The following HIVEP1 variants were observed in gnomAD, a reference collection of about 807,000 sequenced individuals.
HIVEP1 encodes the protein zinc finger protein 40.
HIVEP1 carries 36 observed loss-of-function variants against 180.0 expected under a neutral mutation model. The ratio of observed to expected loss-of-function variants is 0.20; its 90% CI spans 0.15 to 0.26. The LOEUF (loss-of-function observed/expected upper bound fraction) is 0.26. HIVEP1 is among the 10% of genes least tolerant of loss of function. HIVEP1 has a pLI of 1.00. For missense variants in HIVEP1, 3,143 were observed against 3,268.7 expected (o/e 0.96, Z 0.94); for synonymous variants, 1,239 against 1,239.0 (o/e 1.00, Z 0.00).
intron 2 of HIVEP1, among the ~76,000 whole-genome samples, chr6:12,061,119 A>G (rs1247659417): frequency 6.6e-6 from 1 of 152,138 alleles, no homozygotes; most frequent in Non-Finnish European, 1.5e-5. Context: ...TGGTAACGTG[A>G]CTGTGCACAT....
At chr6:12,157,346 T>C (rs536816805) in intron 7 of HIVEP1, among the ~76,000 whole-genome samples, 2 of 152,222 alleles carry the variant, frequency 1.3e-5, no homozygotes, top group South Asian at 4.1e-4. Flanking sequence ...AAATGTACCA[T>C]ATTGGCAACC....
Position 12,124,200 on chromosome 6 carries a change from C to T in HIVEP1, c.4405C>T (p.Leu1469Phe), listed in dbSNP as rs745345164. 1 of 1,614,066 alleles carries T rather than the reference C, an allele frequency of 6.2e-7. No individual in the cohort carries two copies. Among genetic ancestry groups the T allele is most frequent in the Non-Finnish European group, 8.5e-7 (1 of 1,179,940 alleles). Reference sequence around the variant, plus strand: ...TGCAGTGCCATATCAGGGGCCTCAGCTCACTAGTACATCTTTAGCTGAGTT... The same window carrying T: ...TGCAGTGCCATATCAGGGGCCTCAGTTCACTAGTACATCTTTAGCTGAGTT... Reference protein sequence around the residue: ...VNAVPYQGPQLTSTSLAEFSA... With the variant: ...VNAVPYQGPQFTSTSLAEFSA... The change falls in exon 4 of 9, where the codon CTC (leucine) becomes TTC (phenylalanine). Residue 1469 changes from leucine to phenylalanine, a missense_variant. Coordinates refer to ENST00000379388, the MANE Select transcript of HIVEP1 (RefSeq NM_002114.4).
intron 3 of HIVEP1, among the ~76,000 whole-genome samples, chr6:12,090,735 C>CTTTTTTTTTTTTTTTTTTTTTTTTTT (rs35266647): frequency 1.2e-5 from 1 of 82,440 alleles, no homozygotes; most frequent in African/African-American, 4.7e-5. Flanking sequence ...TATAGCCAGC[C>CTTTTTTTTTTTTTTTTTTTTTTTTTT]TTTTTTTTTT....
Position 12,163,645 on chromosome 6 carries a change from A to G in HIVEP1, c.7341A>G (p.Glu2447=). ...GTACTCATAGGAATACGGTCACAGA[A>G]GTGTCTGGCACTACAAACCCTGCTG... ...TLGTHRNTVT[E]VSGTTNPAGV... Residue 2447 remains glutamate (E), a synonymous_variant, in exon 9 of 9, where the codon GAA becomes GAG. Transcript: ENST00000379388. 6.2e-7 allele frequency: 1 copy of G among 1,614,168 alleles called. No individual in the cohort carries two copies. Among genetic ancestry groups the G allele is most frequent in the South Asian group, 1.1e-5 (1 of 91,088 alleles).
At chr6:12,032,349 A>G (rs1267224170) in intron 2 of HIVEP1, among the ~76,000 whole-genome samples, 3 of 151,904 alleles carry the variant, frequency 2.0e-5, no homozygotes, top group African/African-American at 2.4e-5. Flanking sequence ...TCACTGTGTT[A>G]GCCAGGATGG....
At chr6:12,044,811 G>A (rs1323416788) in intron 2 of HIVEP1, among the ~76,000 whole-genome samples, 1 of 151,898 alleles carries the variant, frequency 6.6e-6, no homozygotes. Flanking sequence ...CCCCCTCAAA[G>A]CCAGCGCACC....
intron 7 of HIVEP1, 115 bp from the exon 8 acceptor site, chr6:12,161,324 G>A: frequency 1.0e-6 from 1 of 973,208 alleles, no homozygotes. Flanking sequence ...GTTGTGGGCA[G>A]GGTCCTTGTC....
the HIVEP1 span, among the ~76,000 whole-genome samples, chr6:12,185,674 A>G: frequency 6.6e-6 from 1 of 152,250 alleles, no homozygotes; most frequent in East Asian, 1.9e-4. Context: ...TGAATGGTTA[A>G]TAAGCACATG....
Position 12,163,810 on chromosome 6 carries a change from C to T in HIVEP1, c.7506C>T (p.Ala2502=), listed in dbSNP as rs1760566739. The change falls in exon 9 of 9, where the codon GCC becomes GCT. Residue 2502 remains alanine (A), a synonymous_variant. Coordinates refer to ENST00000379388, the MANE Select transcript of HIVEP1 (RefSeq NM_002114.4). ...AAACCGTCAATATTGTAGGCCTAGC[C>T]AATACAAATATGGCCCCACAAGTCC... is the stretch of plus-strand genomic sequence containing the variant. ...SMETVNIVGL[A]NTNMAPQVHP... 4 of 1,614,134 alleles carry T rather than the reference C, an allele frequency of 2.5e-6. No homozygotes were observed. In the East Asian group the frequency reaches 8.9e-5, roughly 36 times the overall value.
chr6:12,188,398 C>A, the HIVEP1 span, among the ~76,000 whole-genome samples: 1 of 152,002 alleles, frequency 6.6e-6, no homozygotes, highest in East Asian at 1.9e-4. Context: ...CAAACACACA[C>A]AAGTTTCTAG....
intron 3 of HIVEP1, among the ~76,000 whole-genome samples, chr6:12,106,023 TACACACACATATATACATATATATAC>T (rs1293803932): frequency 1.4e-4 from 21 of 151,478 alleles, no homozygotes; most frequent in African/African-American, 2.9e-4. Context: ...TACATATATA[TACACACACATATATACATATATATAC>T]ACACACACAT....
chr6:12,123,392 A>C lies in HIVEP1; in HGVS notation c.3597A>C (p.Ser1199=), dbSNP rs747731602. 5 of 1,614,206 alleles carry C rather than the reference A, an allele frequency of 3.1e-6. No homozygotes were observed. Among genetic ancestry groups the C allele is most frequent in the East Asian group, 2.2e-5 (1 of 44,880 alleles). Residue 1199 remains serine (S), a synonymous_variant, in exon 4 of 9, where the codon TCA becomes TCC. Transcript: ENST00000379388. ...CTCATCCTCACCAGCTTGCACTATC[A>C]GACGCTCTCAGAGGAGAACTTCAGG... The part of the protein sequence containing the change: ...DGSHPHQLAL[S]DALRGELQES...
intron 3 of HIVEP1, among the ~76,000 whole-genome samples, chr6:12,115,012 A>G (rs1775129516): frequency 6.6e-6 from 1 of 152,204 alleles, no homozygotes; most frequent in African/African-American, 2.4e-5. Flanking sequence ...GTAAATCTGA[A>G]AAGAGATTTA....
chr6:12,203,805 A>G, the HIVEP1 span, among the ~76,000 whole-genome samples: 1 of 152,196 alleles, frequency 6.6e-6, no homozygotes, highest in African/African-American at 2.4e-5. Flanking sequence ...GGCCAGGTGC[A>G]GTGGCTCACG....
intron 2 of HIVEP1, among the ~76,000 whole-genome samples, chr6:12,023,816 A>G (rs184072524): frequency 6.6e-6 from 1 of 152,346 alleles, no homozygotes; most frequent in East Asian, 1.9e-4. Flanking sequence ...ACATTTTTGT[A>G]CAAAATATGT....
intron 2 of HIVEP1, chr6:12,037,901 G>C (rs187100689): frequency 1.0e-5 from 4 of 394,866 alleles, no homozygotes; most frequent in Admixed American, 4.4e-5. Context: ...CGGAGGGGAG[G>C]GGAGTTCCTC....
At chr6:12,084,147 G>C (rs184470114) in intron 2 of HIVEP1, among the ~76,000 whole-genome samples, 149 of 152,258 alleles carry the variant, frequency 9.8e-4, no homozygotes, top group African/African-American at 3.5e-3. Context: ...AGCTTTGTCA[G>C]TGCTGGTTAT....
chr6:12,023,171 G>A lies in HIVEP1; in HGVS notation c.40+7503G>A, dbSNP rs764766257. 1.3e-4 allele frequency among the ~76,000 whole-genome samples: 20 copies of A among 152,258 alleles called. 1 individual carries two copies. The highest frequency in any genetic ancestry group is 1.2e-3 in the South Asian group (6 of 4,828). On this transcript the variant is annotated intron_variant, in intron 2 of 8. Transcript: ENST00000379388. ...TGTGTGACACAAGAGAAGCCCAGCC[G>A]GGGTTTCAGAATTAATCTGATTAAG...
chr6:12,121,952 C>A lies in HIVEP1; in HGVS notation c.2157C>A (p.Pro719=). 1 of 1,614,168 alleles carries A rather than the reference C, an allele frequency of 6.2e-7. No homozygotes were observed. The highest frequency in any genetic ancestry group is 8.5e-7 in the Non-Finnish European group (1 of 1,180,020). ...CAGCTCTTGTCACCACGTCAACACC[C>A]TCTGCTTTGCCCACAGGGGAAAAGG... ...PSAALVTTST[P]SALPTGEKAL... The change falls in exon 4 of 9, where the codon CCC becomes CCA. Residue 719 remains proline (P), a synonymous_variant. Transcript: ENST00000379388. The surrounding 1 kb of genome is among the most constrained non-coding windows in gnomAD (Gnocchi z 5.3).
Sources: gnomAD v4.1 joint callset for allele counts (sites outside exome capture counted in the v4.1 genomes callset) on GRCh38, gnomAD v4.1.1 for gene constraint, Gnocchi (gnomAD v3.1) non-coding constraint, MANE v1.5 for transcripts, NCBI Gene and HGNC (gene_info 2026-07-23, HGNC 2026-07-21) for gene names.